Variants in CCSAP observed in about 807,000 individuals in gnomAD.
The protein encoded by CCSAP is centriole, cilia and spindle-associated protein.
In CCSAP, 17 loss-of-function variants were observed where a neutral mutation model predicts 25.9. The ratio of observed to expected loss-of-function variants is 0.66; its 90% confidence interval spans 0.45 to 0.99. CCSAP has a LOEUF of 0.99. CCSAP is among the 50% of genes least tolerant of loss of function. CCSAP has a pLI of 0.00. For missense variants in CCSAP, 339 were observed against 367.8 expected (o/e 0.92, Z 0.64); for synonymous variants, 169 against 157.1 (o/e 1.08, Z -0.57).
chr1:229,341,959 G>C, intron 2 of CCSAP, 140 bp downstream of exon 2: 1 of 1,114,566 alleles, frequency 9.0e-7, no homozygotes, highest in Non-Finnish European at 1.1e-6. Context: ...TTTGTCAAGA[G>C]AGACGGATTC....
intron 2 of CCSAP, among the ~76,000 whole-genome samples, chr1:229,330,114 C>G (rs1658033860): frequency 6.6e-6 from 1 of 150,586 alleles, no homozygotes; most frequent in Non-Finnish European, 1.5e-5. Flanking sequence ...CCCAGCAACA[C>G]TGCATCAGAC....
Position 229,322,564 on chromosome 1 carries a change from T to C in CCSAP, c.*2671A>G, listed in dbSNP as rs1163073243. ...TAACTATAATCTTTTAAAGATTCAT[T>C]TTAAAAGTGAATAAATGTGCTTAGA... On this transcript the variant is annotated 3_prime_UTR_variant, in exon 4 of 4. Transcript: ENST00000284617. 1 of 152,198 alleles carries C rather than the reference T, an allele frequency of 6.6e-6. No homozygotes were observed. The highest frequency in any genetic ancestry group is 1.5e-5 in the Non-Finnish European group (1 of 68,026). 9.4% of individuals were successfully genotyped at this position (152,198 alleles called of 1,614,324 possible).
Position 229,342,007 on chromosome 1 carries a change from A to C in CCSAP, c.367+92T>G. On this transcript the variant is annotated intron_variant, in intron 2 of 3. Coordinates refer to ENST00000284617, the MANE Select transcript of CCSAP (RefSeq NM_145257.5). The surrounding 1 kb of genome is among the most constrained non-coding windows in gnomAD (Gnocchi z 7.5). ...AAAAAAAAAGGAAGAGCCAGCCCCG[A>C]GTGGCGCAAGAAATAAGAGATCAGC... The C allele has an allele frequency of 8.1e-7, 1 of 1,239,832 alleles. No homozygotes were observed. The allele number at this position is 1,239,832 out of a possible 1,614,324, so 76.8% of individuals were successfully genotyped here. A position where few individuals can be genotyped will look rare whatever the true frequency, so the allele number is the denominator to read the frequency against.
At chr1:229,337,375 A>G (rs149768150) in intron 2 of CCSAP, among the ~76,000 whole-genome samples, 375 of 152,162 alleles carry the variant, frequency 2.5e-3, no homozygotes, top group Middle Eastern at 6.8e-3. Flanking sequence ...TAATGCCTCA[A>G]ATGCTGAGGT....
At chr1:229,338,565 A>G (rs1007275715) in intron 2 of CCSAP, among the ~76,000 whole-genome samples, 15 of 151,824 alleles carry the variant, frequency 9.9e-5, no homozygotes, top group African/African-American at 2.2e-4. Flanking sequence ...ACACACACAC[A>G]CACACACACA....
intron 2 of CCSAP, among the ~76,000 whole-genome samples, chr1:229,337,678 A>AAAAAATATATATATATATATATAT: frequency 4.6e-5 from 3 of 65,510 alleles, no homozygotes; most frequent in African/African-American, 1.8e-4. Context: ...CTCAAAAAAA[A>AAAAAATATATATATATATATATAT]ATATATATAT....
chr1:229,321,043 T>C lies in CCSAP; in HGVS notation c.*4192A>G, dbSNP rs943516514. On this transcript the variant is annotated 3_prime_UTR_variant, in exon 4 of 4. Coordinates refer to ENST00000284617, the MANE Select transcript of CCSAP (RefSeq NM_145257.5). ...TGTTAATTAACTTTATTCACATTTTTCCAAGTAAATACAATATTAACTATA... is the reference window on the plus strand; with the variant it reads ...TGTTAATTAACTTTATTCACATTTTCCCAAGTAAATACAATATTAACTATA... The C allele has an allele frequency of 1.3e-5, 2 of 152,216 alleles. No individual in the cohort carries two copies. Among genetic ancestry groups the C allele is most frequent in the African/African-American group, 4.8e-5 (2 of 41,458 alleles). The allele number at this position is 152,216 out of a possible 1,614,324, so 9.4% of individuals were successfully genotyped here. A position where few individuals can be genotyped will look rare whatever the true frequency, so the allele number is the denominator to read the frequency against.
chr1:229,332,586 G>A (rs1302839310), intron 2 of CCSAP, among the ~76,000 whole-genome samples: 1 of 152,182 alleles, frequency 6.6e-6, no homozygotes, highest in Non-Finnish European at 1.5e-5. Flanking sequence ...CAGTTATGGT[G>A]GAAGATTACA....
chr1:229,321,636 T>G lies in CCSAP; in HGVS notation c.*3599A>C, dbSNP rs936335716. On this transcript the variant is annotated 3_prime_UTR_variant, in exon 4 of 4. Transcript: ENST00000284617. ...CAAGCTACATAAATATTAGCACCAT[T>G]TTTTATCTAGTCCAGTGAAATGTAA... 4 of 152,218 alleles carry G rather than the reference T, an allele frequency of 2.6e-5. No homozygotes were observed. The highest frequency in any genetic ancestry group is 2.6e-4 in the Admixed American group (4 of 15,288). The allele number at this position is 152,218 out of a possible 1,614,324, so 9.4% of individuals were successfully genotyped here.
In CCSAP at chr1:229,340,018, G is replaced by C. The variant is rs578093081; in HGVS notation, c.367+2081C>G. Among the ~76,000 whole-genome samples the C allele has an allele frequency of 9.2e-5, 14 of 152,236 alleles. No individual in the cohort carries two copies. In the East Asian group the frequency reaches 2.3e-3, roughly 25 times the overall value. ...TGGAGATACAGAAATAAATACCAAA[G>C]GAAAAACCAGGGTGTTATGTATGGC... On this transcript the variant is annotated intron_variant, in intron 2 of 3. Transcript: ENST00000284617.
At position 229,342,638 on chromosome 1, in the gene CCSAP, G is replaced by GGGGGC. The variant is rs1423974941; in HGVS notation, c.-48-130_-48-126dup. 11 of 405,694 alleles carry GGGGGC rather than the reference G, an allele frequency of 2.7e-5. No individual in the cohort carries two copies. Among genetic ancestry groups the GGGGGC allele is most frequent in the East Asian group, 7.8e-5 (2 of 25,698 alleles). The allele number at this position is 405,694 out of a possible 1,614,324, so 25.1% of individuals were successfully genotyped here. A position where few individuals can be genotyped will look rare whatever the true frequency, so the allele number is the denominator to read the frequency against. On this transcript the variant is annotated intron_variant, in intron 1 of 3. Transcript: ENST00000284617. This position sits in a 1 kb window ranked among gnomAD's most constrained non-coding sequence, Gnocchi z 7.5. ...GGGCGGGTCCCGGCGAGGGCGGGGA[G>GGGGGC]GGGGCGGGGCGGGGGCGGCCTCACC...
At chr1:229,333,979 G>C (rs1450415635) in intron 2 of CCSAP, among the ~76,000 whole-genome samples, 1 of 152,212 alleles carries the variant, frequency 6.6e-6, no homozygotes, top group Non-Finnish European at 1.5e-5. Flanking sequence ...ATTCCAAGTA[G>C]TGGTAATAGA....
intron 2 of CCSAP, among the ~76,000 whole-genome samples, chr1:229,336,692 A>G (rs995503065): frequency 6.6e-6 from 1 of 152,218 alleles, no homozygotes. Flanking sequence ...ATCTGAGTAC[A>G]TCCTCTATTA....
rs771892927 is a variant in CCSAP, at chr1:229,342,394, C to T, written c.72G>A (p.Gly24=). Residue 24 remains glycine (G), a synonymous_variant, in exon 2 of 4, where the codon GGG becomes GGA. Transcript: ENST00000284617. This position sits in a 1 kb window ranked among gnomAD's most constrained non-coding sequence, Gnocchi z 7.5. ...AGTGCAGCAGCTCGCGGTAGCACGGCCCGTACTCCTCCCAGCGCGGCTCCT... is the reference window on the plus strand; with the variant it reads ...AGTGCAGCAGCTCGCGGTAGCACGGTCCGTACTCCTCCCAGCGCGGCTCCT... ...RYQEPRWEEY[G]PCYRELLHYR... 25 of 1,490,340 alleles carry T rather than the reference C, an allele frequency of 1.7e-5. No individual in the cohort carries two copies. The Middle Eastern group carries it at 7.2e-4, about 43-fold the overall frequency. 92.3% of individuals were successfully genotyped at this position (1,490,340 alleles called of 1,614,324 possible). A position where few individuals can be genotyped will look rare whatever the true frequency, so the allele number is the denominator to read the frequency against.
chr1:229,334,581 G>A (rs1658152095), intron 2 of CCSAP, among the ~76,000 whole-genome samples: 1 of 151,806 alleles, frequency 6.6e-6, no homozygotes, highest in African/African-American at 2.4e-5. Flanking sequence ...GAAAATTAAA[G>A]TAAGGAAAAA....
intron 2 of CCSAP, among the ~76,000 whole-genome samples, chr1:229,330,082 A>G (rs1658033167): frequency 6.9e-6 from 1 of 145,216 alleles, no homozygotes; most frequent in Non-Finnish European, 1.5e-5. Flanking sequence ...GACAGACAAC[A>G]AGGACCCTCC....
Position 229,325,109 on chromosome 1 carries a change from TAA to T in CCSAP, c.*124_*125del. ...ATAAAACAATCTTTTACAAATTCCC[TAA>T]AAAAAACCTTGCATAATCAGTTGGT... On this transcript the variant is annotated 3_prime_UTR_variant, in exon 4 of 4. Transcript: ENST00000284617. The T allele has an allele frequency of 1.0e-6, 1 of 955,706 alleles. No homozygotes were observed. Among genetic ancestry groups the T allele is most frequent in the Non-Finnish European group, 1.5e-6 (1 of 655,508 alleles). 59.2% of individuals were successfully genotyped at this position (955,706 alleles called of 1,614,324 possible).
At position 229,337,678 on chromosome 1, in the gene CCSAP, A is replaced by AAAAAATAT; in HGVS notation, c.367+4420_367+4421insATATTTTT. On this transcript the variant is annotated intron_variant, in intron 2 of 3. Coordinates refer to ENST00000284617, the MANE Select transcript of CCSAP (RefSeq NM_145257.5). ...GAACAAGATCAAAGGCTCAAAAAAA[A>AAAAAATAT]ATATATATATATATATATATACACA... Among the ~76,000 whole-genome samples the AAAAAATAT allele has an allele frequency of 8.1e-4, 53 of 65,504 alleles. 1 individual carries two copies. The highest frequency in any genetic ancestry group is 6.3e-3 in the Middle Eastern group (1 of 160). The allele number at this position is 65,504 out of a possible 152,430, so 43.0% of individuals were successfully genotyped here. A position where few individuals can be genotyped will look rare whatever the true frequency, so the allele number is the denominator to read the frequency against.
chr1:229,338,338 A>C lies in CCSAP; in HGVS notation c.367+3761T>G, dbSNP rs554863118. On this transcript the variant is annotated intron_variant, in intron 2 of 3. Coordinates refer to ENST00000284617, the MANE Select transcript of CCSAP (RefSeq NM_145257.5). ...AAGGGGCATGGGTGGGAAATGGGGC[A>C]GGATCATGTTTTTTTCATTTTAAGC... 2.0e-5 allele frequency among the ~76,000 whole-genome samples: 3 copies of C among 152,350 alleles called. No homozygotes were observed. In the South Asian group the frequency reaches 6.2e-4, roughly 32 times the overall value.
Sources: gnomAD v4.1 joint callset for allele counts (sites outside exome capture counted in the v4.1 genomes callset) on GRCh38, gnomAD v4.1.1 for gene constraint, Gnocchi (gnomAD v3.1) non-coding constraint, MANE v1.5 for transcripts, NCBI Gene and HGNC (gene_info 2026-07-23, HGNC 2026-07-21) for gene names.